Variants in INPP4B observed in about 807,000 individuals in gnomAD.
INPP4B encodes the protein inositol polyphosphate 4-phosphatase type II.
A neutral mutation model predicts 122.5 loss-of-function variants in INPP4B; 55 were observed. The observed-to-expected ratio is 0.45, with a 90% CI of 0.36 to 0.56. INPP4B has a LOEUF of 0.56. Ranked by LOEUF, INPP4B falls within the 20% of genes least tolerant of loss-of-function variation. INPP4B has a pLI of 0.00. For missense variants in INPP4B, 1,000 were observed against 1,097.7 expected, an observed-to-expected ratio of 0.91 and a Z score of 1.26; for synonymous variants, 403 against 388.7, an observed-to-expected ratio of 1.04 and a Z score of -0.43.
chr4:142,389,930 G>T (rs1797141291), intron 7 of INPP4B, among the ~76,000 whole-genome samples: 1 of 152,174 alleles, frequency 6.6e-6, no homozygotes, highest in African/African-American at 2.4e-5. Context: ...CTAAAAGTTT[G>T]AACAAGTTGT....
intron 2 of INPP4B, among the ~76,000 whole-genome samples, chr4:142,558,415 G>GCAAAAAC (rs1166240981): frequency 2.3e-4 from 35 of 151,210 alleles, no homozygotes; most frequent in Non-Finnish European, 5.9e-5. Context: ...TTTGGTTTTG[G>GCAAAAAC]CAGCAAAAAA....
chr4:142,222,271 T>C (rs558602335), intron 12 of INPP4B, among the ~76,000 whole-genome samples: 2 of 152,314 alleles, frequency 1.3e-5, no homozygotes, highest in East Asian at 3.9e-4. Context: ...TTACCCACTA[T>C]TTCTTACACC....
At position 142,323,265 on chromosome 4, in the gene INPP4B, G is replaced by A. The variant is rs80349272; in HGVS notation, c.373-8503C>T. Among the ~76,000 whole-genome samples, 565 of 152,172 alleles carry A rather than the reference G, an allele frequency of 3.7e-3. 1 individual carries two copies. Among genetic ancestry groups the A allele is most frequent in the African/African-American group, 0.013 (537 of 41,528 alleles). ...AGTATCTCAGGCTTACCACAGACAC[G>A]TGCATCATAGTGTTCATTTTGGTAA... is the stretch of plus-strand genomic sequence containing the variant. On this transcript the variant is annotated intron_variant, in intron 7 of 25. Transcript: ENST00000262992.
At chr4:142,605,372 G>C (rs565684896) in intron 2 of INPP4B, among the ~76,000 whole-genome samples, 1 of 151,940 alleles carries the variant, frequency 6.6e-6, no homozygotes, top group Non-Finnish European at 1.5e-5. Flanking sequence ...CTAGGTAAAG[G>C]TTTTATGGCT....
intron 25 of INPP4B, among the ~76,000 whole-genome samples, chr4:142,081,781 A>G (rs1774020655): frequency 6.6e-6 from 1 of 152,062 alleles, no homozygotes; most frequent in Admixed American, 6.6e-5. Flanking sequence ...ATGTGTACAC[A>G]GCCACGTTTT....
intron 5 of INPP4B, among the ~76,000 whole-genome samples, chr4:142,413,261 GAC>G (rs1415538712): frequency 6.6e-6 from 1 of 152,032 alleles, no homozygotes; most frequent in African/African-American, 2.4e-5. Flanking sequence ...CTCCAAGAAA[GAC>G]AATACGCATA....
intron 1 of INPP4B, among the ~76,000 whole-genome samples, chr4:142,785,756 G>T (rs1268423341): frequency 6.6e-6 from 1 of 152,058 alleles, no homozygotes; most frequent in Non-Finnish European, 1.5e-5. Flanking sequence ...GATGCTTAAA[G>T]TACCAAGGGG....
At chr4:142,629,899 T>C (rs1034181902) in intron 2 of INPP4B, among the ~76,000 whole-genome samples, 3 of 152,044 alleles carry the variant, frequency 2.0e-5, no homozygotes, top group African/African-American at 4.8e-5. Context: ...ACCAGAGCAA[T>C]GTGTCCAAGG....
intron 2 of INPP4B, among the ~76,000 whole-genome samples, chr4:142,718,250 T>C (rs72728619): frequency 1.4e-3 from 213 of 152,336 alleles, no homozygotes; most frequent in African/African-American, 4.8e-3. Context: ...TCCACTTAAA[T>C]GTACAAGCAA....
At chr4:142,535,325 T>G (rs1411005968) in intron 2 of INPP4B, among the ~76,000 whole-genome samples, 1 of 152,208 alleles carries the variant, frequency 6.6e-6, no homozygotes, top group African/African-American at 2.4e-5. Flanking sequence ...ATGTCAACAA[T>G]TTTTATGTCC....
At chr4:142,140,943 A>C (rs1045247495) in intron 18 of INPP4B, among the ~76,000 whole-genome samples, 4 of 152,180 alleles carry the variant, frequency 2.6e-5, no homozygotes, top group African/African-American at 9.6e-5. Flanking sequence ...TGCAGCTATT[A>C]ACTGTATTTG....
intron 1 of INPP4B, among the ~76,000 whole-genome samples, chr4:142,737,960 C>T (rs1455062345): frequency 6.6e-6 from 1 of 152,202 alleles, no homozygotes; most frequent in Admixed American, 6.5e-5. Context: ...CAGAAACCAA[C>T]AGGTGCTGGA....
chr4:142,259,320 G>A lies in INPP4B; in HGVS notation c.688+1172C>T, dbSNP rs1310930228. 5.3e-5 allele frequency among the ~76,000 whole-genome samples: 8 copies of A among 151,282 alleles called. No individual in the cohort carries two copies. The East Asian group carries it at 7.8e-4, about 15-fold the overall frequency. The stretch of plus-strand genomic sequence containing the variant: ...GTATACATATGTAACTAACCTGCAC[G>A]TTGTGCACATGTACCCTAAAACTTA... On this transcript the variant is annotated intron_variant, in intron 11 of 25. Transcript: ENST00000262992.
chr4:142,651,962 A>T (rs1289419264), intron 2 of INPP4B, among the ~76,000 whole-genome samples: 1 of 152,234 alleles, frequency 6.6e-6, no homozygotes, highest in African/African-American at 2.4e-5. Context: ...ATCGATACAA[A>T]AATCCTCAAT....
chr4:142,750,273 G>T (rs1049427904), intron 1 of INPP4B, among the ~76,000 whole-genome samples: 2 of 151,972 alleles, frequency 1.3e-5, no homozygotes, highest in African/African-American at 4.8e-5. Context: ...AATTTCTCCA[G>T]ATAAATCACA....
intron 7 of INPP4B, among the ~76,000 whole-genome samples, chr4:142,319,211 C>T (rs1769065257): frequency 6.6e-6 from 1 of 152,108 alleles, no homozygotes; most frequent in African/African-American, 2.4e-5. Flanking sequence ...AAGCATCCTC[C>T]CTCTGGACAG....
rs541717412 is a variant in INPP4B at position 142,364,840 on chromosome 4, G to A, written c.372+38098C>T. On this transcript the variant is annotated intron_variant, in intron 7 of 25. Coordinates refer to ENST00000262992, the MANE Select transcript of INPP4B (RefSeq NM_001101669.3). Reference sequence around the variant, plus strand: ...AATCAGCTATGCAACTAGTGAGCCCGGGAGGCAGCAGCAATCAACAAAGAA... The same window carrying A: ...AATCAGCTATGCAACTAGTGAGCCCAGGAGGCAGCAGCAATCAACAAAGAA... 7.2e-5 allele frequency among the ~76,000 whole-genome samples: 11 copies of A among 152,156 alleles called. No individual in the cohort carries two copies. The East Asian group carries it at 9.7e-4, about 13-fold the overall frequency.
At chr4:142,825,318 T>C (rs1781323511) in intron 1 of INPP4B, among the ~76,000 whole-genome samples, 1 of 152,156 alleles carries the variant, frequency 6.6e-6, no homozygotes, top group Non-Finnish European at 1.5e-5. Context: ...TTGTTTTAGA[T>C]GCTAAATCAC....
chr4:142,126,254 G>C (rs763045594), intron 18 of INPP4B, among the ~76,000 whole-genome samples: 1 of 152,136 alleles, frequency 6.6e-6, no homozygotes, highest in Non-Finnish European at 1.5e-5. Flanking sequence ...AGCAGGAACT[G>C]AAATGATATG....
Sources: gnomAD v4.1 joint callset for allele counts (sites outside exome capture counted in the v4.1 genomes callset) on GRCh38, gnomAD v4.1.1 for gene constraint, MANE v1.5 for transcripts, NCBI Gene and HGNC (gene_info 2026-07-23, HGNC 2026-07-21) for gene names.